Variants in GLG1 observed in about 807,000 individuals in gnomAD.
GLG1 encodes the protein golgi glycoprotein 1.
In GLG1, 38 loss-of-function variants were observed where a neutral mutation model predicts 160.5. The ratio of observed to expected loss-of-function variants is 0.24; its 90% confidence interval spans 0.18 to 0.31. GLG1 has a LOEUF of 0.31. GLG1 is among the 10% of genes least tolerant of loss of function. The pLI is 1.00. For missense variants in GLG1, 1,373 were observed against 1,505.2 expected (o/e 0.91, Z 1.45); for synonymous variants, 644 against 543.4 (o/e 1.19, Z -2.57).
intron 4 of GLG1, among the ~76,000 whole-genome samples, chr16:74,499,873 G>C (rs971941197): frequency 1.3e-5 from 2 of 152,138 alleles, no homozygotes; most frequent in African/African-American, 4.8e-5. Context: ...CATGGTGGCA[G>C]GCACCTGTAG....
chr16:74,462,419 CAA>C, intron 21 of GLG1, 67 bp downstream of exon 21: 1 of 1,457,592 alleles, frequency 6.9e-7, no homozygotes, highest in South Asian at 1.2e-5. Flanking sequence ...CTAGGGATTT[CAA>C]AAGAGAAAAT....
At chr16:74,597,401 A>C (rs1216023454) in intron 1 of GLG1, among the ~76,000 whole-genome samples, 3 of 149,842 alleles carry the variant, frequency 2.0e-5, no homozygotes, top group Admixed American at 6.7e-5. Flanking sequence ...ACTGCCCTCC[A>C]GCCTGGATGA....
intron 4 of GLG1, among the ~76,000 whole-genome samples, chr16:74,499,393 A>C (rs2143433697): frequency 6.6e-6 from 1 of 152,158 alleles, no homozygotes; most frequent in Admixed American, 6.5e-5. Flanking sequence ...AGCACACACC[A>C]CCACCCTCAG....
chr16:74,521,810 T>C (rs2017173433), intron 2 of GLG1, among the ~76,000 whole-genome samples: 1 of 152,110 alleles, frequency 6.6e-6, no homozygotes, highest in Non-Finnish European at 1.5e-5. Context: ...CTGGAGGCAT[T>C]TTCTCCCCAT....
At chr16:74,501,948 G>A (rs141366985) in intron 4 of GLG1, among the ~76,000 whole-genome samples, 1 of 152,158 alleles carries the variant, frequency 6.6e-6, no homozygotes, top group Non-Finnish European at 1.5e-5. Context: ...ACTCGGATAA[G>A]GGATCAGGCC....
intron 1 of GLG1, among the ~76,000 whole-genome samples, chr16:74,572,942 G>A (rs1278572783): frequency 6.6e-6 from 1 of 152,142 alleles, no homozygotes; most frequent in Non-Finnish European, 1.5e-5. Flanking sequence ...CTATTTCCAG[G>A]TATATAGTGT....
At chr16:74,541,119 T>A (rs1409769697) in intron 1 of GLG1, among the ~76,000 whole-genome samples, 1 of 151,964 alleles carries the variant, frequency 6.6e-6, no homozygotes, top group East Asian at 1.9e-4. Flanking sequence ...AGGTCAGGTG[T>A]TCGAGACCAG....
At chr16:74,566,924 T>C (rs534006006) in intron 1 of GLG1, among the ~76,000 whole-genome samples, 166 of 152,236 alleles carry the variant, frequency 1.1e-3, no homozygotes, top group Middle Eastern at 6.8e-3. Flanking sequence ...ACCTAACACA[T>C]ATTGCTAAGA....
At chr16:74,461,237 G>A (rs907777986) in intron 22 of GLG1, among the ~76,000 whole-genome samples, 8 of 146,692 alleles carry the variant, frequency 5.5e-5, no homozygotes, top group African/African-American at 1.3e-4. Flanking sequence ...GTGCAATCTC[G>A]GCTCACTGCA....
At chr16:74,484,853 C>T (rs761059576) in intron 9 of GLG1, among the ~76,000 whole-genome samples, 37 of 152,090 alleles carry the variant, frequency 2.4e-4, no homozygotes, top group African/African-American at 7.0e-4. Flanking sequence ...CTGGACCTCA[C>T]GTGATCCGCC....
Position 74,451,568 on chromosome 16 carries a change from T to G in GLG1, c.*1599A>C, listed in dbSNP as rs1443850961. The G allele has an allele frequency of 5.9e-6, 1 of 169,856 alleles. No homozygotes were observed. The highest frequency in any genetic ancestry group is 1.3e-5 in the Non-Finnish European group (1 of 78,026). The allele number at this position is 169,856 out of a possible 1,614,324, so 10.5% of individuals were successfully genotyped here. On this transcript the variant is annotated 3_prime_UTR_variant, in exon 26 of 26. Coordinates refer to ENST00000422840, the MANE Select transcript of GLG1 (RefSeq NM_001145667.2). The stretch of plus-strand genomic sequence containing the variant: ...GGACTGTGCAGAGCAGAGGCAAGAG[T>G]GGGGGGCGCCGAGGGCAGGCCTTGG...
intron 1 of GLG1, among the ~76,000 whole-genome samples, chr16:74,541,324 CAAAAAAAAAAA>C (rs59761629): frequency 2.8e-5 from 2 of 71,930 alleles, no homozygotes; most frequent in Non-Finnish European, 5.1e-5. Flanking sequence ...GCTCTGTCTC[CAAAAAAAAAAA>C]AAAAAAAAAG....
intron 4 of GLG1, among the ~76,000 whole-genome samples, chr16:74,497,373 C>T (rs2016233069): frequency 6.6e-6 from 1 of 151,118 alleles, no homozygotes; most frequent in Non-Finnish European, 1.5e-5. Flanking sequence ...TGAAATTACA[C>T]TGCTGAAATC....
intron 25 of GLG1, among the ~76,000 whole-genome samples, chr16:74,455,101 C>T (rs569647458): frequency 2.6e-5 from 4 of 152,274 alleles, no homozygotes; most frequent in Non-Finnish European, 4.4e-5. Context: ...TAACCGCCCT[C>T]CACTTGTGGA....
chr16:74,524,745 T>C (rs1366071993), intron 2 of GLG1, among the ~76,000 whole-genome samples: 1 of 152,204 alleles, frequency 6.6e-6, no homozygotes, highest in East Asian at 1.9e-4. Flanking sequence ...TGAGATAGAA[T>C]TTACATTGTA....
intron 18 of GLG1, among the ~76,000 whole-genome samples, chr16:74,467,186 G>C (rs888791580): frequency 1.3e-5 from 2 of 152,228 alleles, no homozygotes; most frequent in East Asian, 1.9e-4. Context: ...TGATACAAGA[G>C]GACAATGAAG....
chr16:74,486,963 G>C (rs2015813144), intron 8 of GLG1, among the ~76,000 whole-genome samples: 1 of 149,608 alleles, frequency 6.7e-6, no homozygotes, highest in South Asian at 2.1e-4. Context: ...ACCCAGGCTG[G>C]AGTGCAGTGG....
chr16:74,561,406 C>T (rs2018510371), intron 1 of GLG1, among the ~76,000 whole-genome samples: 3 of 152,120 alleles, frequency 2.0e-5, no homozygotes, highest in Admixed American at 2.0e-4. Flanking sequence ...TCTTCAAGAA[C>T]GTTCATGGAA....
At chr16:74,509,327 G>T (rs1184225790) in intron 2 of GLG1, among the ~76,000 whole-genome samples, 4 of 151,634 alleles carry the variant, frequency 2.6e-5, no homozygotes, top group African/African-American at 4.8e-5. Flanking sequence ...CCATTAAAAA[G>T]TCAAGAAAAA....
Sources: allele counts gnomAD v4.1 joint callset (sites outside exome capture counted in the v4.1 genomes callset), GRCh38; gene constraint gnomAD v4.1.1; transcripts MANE v1.5; gene names NCBI Gene and HGNC (gene_info 2026-07-23, HGNC 2026-07-21).